Variants in ARHGEF9 observed in about 807,000 individuals in gnomAD.
The protein encoded by ARHGEF9 is rho guanine nucleotide exchange factor 9.
Under a neutral mutation model 41.3 loss-of-function variants are expected in ARHGEF9, and 2 were observed. That is an observed-to-expected ratio of 0.05 (90% CI 0.02 to 0.15). ARHGEF9 has a LOEUF of 0.15. Ranked by LOEUF, ARHGEF9 falls within the 10% of genes least tolerant of loss-of-function variation. ARHGEF9 has a pLI of 1.00. For synonymous variants in ARHGEF9, 160 were observed against 154.4 expected (o/e 1.04, Z -0.27); for missense variants, 225 against 424.7 (o/e 0.53, Z 4.13).
chrX:63,779,241 A>G (rs1206424403), intron 1 of ARHGEF9, among the ~76,000 whole-genome samples: 2 of 111,836 alleles, frequency 1.8e-5, no homozygotes, highest in Non-Finnish European at 3.8e-5. Flanking sequence ...ACTGGTACCA[A>G]TTTACTGTAT....
intron 1 of ARHGEF9, among the ~76,000 whole-genome samples, chrX:63,753,742 A>G (rs1602714023): frequency 9.0e-6 from 1 of 111,645 alleles, no homozygotes; most frequent in East Asian, 2.8e-4. Context: ...AGGTTCAAGA[A>G]GTGTTTTAAA....
intron 1 of ARHGEF9, among the ~76,000 whole-genome samples, chrX:63,759,472 TC>T (rs1179128276): frequency 9.0e-6 from 1 of 111,378 alleles, no homozygotes; most frequent in Non-Finnish European, 1.9e-5. Flanking sequence ...AGTTCCTCCC[TC>T]CCAAGACAGC....
At chrX:63,764,131 T>G (rs1240702732) in intron 1 of ARHGEF9, among the ~76,000 whole-genome samples, 1 of 111,886 alleles carries the variant, frequency 8.9e-6, no homozygotes, top group Non-Finnish European at 1.9e-5. Flanking sequence ...AGGAAAAAAC[T>G]AACAACCTCA....
intron 1 of ARHGEF9, among the ~76,000 whole-genome samples, chrX:63,748,887 T>C (rs1243812720): frequency 1.8e-5 from 2 of 111,817 alleles, no homozygotes; most frequent in African/African-American, 6.5e-5. Context: ...GCACCTAGAG[T>C]AGCATGAACA....
Position 63,636,171 on chromosome X carries a change from C to T in ARHGEF9, c.*1857G>A, listed in dbSNP as rs2047306233. ...AACATGCTAGCTATGCTGAAGCCTC[C>T]ACACAGCTATGGCTGCTGCTTGGTA... On this transcript the variant is annotated 3_prime_UTR_variant, in exon 10 of 10. Transcript: ENST00000671741. The T allele has an allele frequency of 1.8e-5, 2 of 112,075 alleles. No individual in the cohort carries two copies. The highest frequency in any genetic ancestry group is 6.5e-5 in the African/African-American group (2 of 30,781). The allele number at this position is 112,075 out of a possible 1,213,427, so 9.2% of individuals were successfully genotyped here. A position where few individuals can be genotyped will look rare whatever the true frequency, so the allele number is the denominator to read the frequency against.
rs1556334609 is a variant in ARHGEF9, at chrX:63,655,540, C to T, written c.1275G>A (p.Arg425=). The change falls in exon 8 of 10, where the codon AGG becomes AGA. Residue 425 remains arginine (R), a synonymous_variant. Transcript: ENST00000671741. ...KKLEEKIRWL[R]AFREERKMVQ... The stretch of plus-strand genomic sequence containing the variant: ...CCATTTTCCTCTCTTCTCTGAAAGC[C>T]CTGAGCCAGCGTATTTTTTCCTCCA... The T allele has an allele frequency of 2.5e-6, 3 of 1,211,102 alleles. No homozygotes were observed. The highest frequency in any genetic ancestry group is 2.2e-6 in the Non-Finnish European group (2 of 895,205).
chrX:63,649,055 T>A (rs2048343863), intron 8 of ARHGEF9, among the ~76,000 whole-genome samples: 1 of 110,848 alleles, frequency 9.0e-6, no homozygotes, highest in African/African-American at 3.3e-5. Context: ...GACAAAAAGT[T>A]AACAAGGATA....
intron 1 of ARHGEF9, among the ~76,000 whole-genome samples, chrX:63,728,177 T>A (rs1342339806): frequency 8.9e-6 from 1 of 112,416 alleles, no homozygotes; most frequent in African/African-American, 3.2e-5. Context: ...ATCTTCTGAG[T>A]TGTTTTGAAA....
chrX:63,754,745 G>C, intron 1 of ARHGEF9: 1 of 951,963 alleles, frequency 1.1e-6, no homozygotes, highest in Non-Finnish European at 1.3e-6. Flanking sequence ...TTAGTCGGGG[G>C]AGGGGAGGGG....
chrX:63,730,097 G>T (rs1195720627), intron 1 of ARHGEF9, among the ~76,000 whole-genome samples: 1 of 111,545 alleles, frequency 9.0e-6, no homozygotes, highest in Non-Finnish European at 1.9e-5. Flanking sequence ...AAAAAGGCAT[G>T]TGTGTTTGCA....
At position 63,648,283 on chromosome X, in the gene ARHGEF9, G is replaced by A. The variant is rs142624648; in HGVS notation, c.1322-4235C>T. On this transcript the variant is annotated intron_variant, in intron 8 of 9. Transcript: ENST00000671741. Reference sequence around the variant, plus strand: ...GAAACTCTACAAGCCAGAAGAGAGTGGGGGTCAATATTGAACATTCTTAAA... The same window carrying A: ...GAAACTCTACAAGCCAGAAGAGAGTAGGGGTCAATATTGAACATTCTTAAA... 3.2e-4 allele frequency among the ~76,000 whole-genome samples: 36 copies of A among 111,508 alleles called. No individual in the cohort carries two copies. In the East Asian group the frequency reaches 9.7e-3, roughly 30 times the overall value.
intron 8 of ARHGEF9, 132 bp from the exon 9 acceptor site, chrX:63,644,180 AATC>A (rs2147144647): frequency 2.1e-6 from 1 of 472,532 alleles, no homozygotes; most frequent in East Asian, 3.9e-5. Context: ...AAAAAAAAAA[AATC>A]ATTCCCTTTA....
chrX:63,739,092 T>C (rs2054789757), intron 1 of ARHGEF9, among the ~76,000 whole-genome samples: 1 of 111,604 alleles, frequency 9.0e-6, no homozygotes, highest in Non-Finnish European at 1.9e-5. Context: ...ATCCCTCAAC[T>C]ATTAGCACAA....
intron 3 of ARHGEF9, among the ~76,000 whole-genome samples, chrX:63,699,392 T>C (rs1556392730): frequency 8.9e-6 from 1 of 111,864 alleles, no homozygotes; most frequent in African/African-American, 3.3e-5. Flanking sequence ...TATTTAATAG[T>C]TGTGTCCACT....
In ARHGEF9 at chrX:63,725,930, A is replaced by C. The variant is rs145384542; in HGVS notation, c.31-1219T>G. On this transcript the variant is annotated intron_variant, in intron 1 of 9. Transcript: ENST00000671741. Reference sequence around the variant, plus strand: ...ACTAAAACAACTTTAAGACAATAGAAATAGTCTATAGAATATACATCCTGT... The same window carrying C: ...ACTAAAACAACTTTAAGACAATAGACATAGTCTATAGAATATACATCCTGT... Among the ~76,000 whole-genome samples the C allele has an allele frequency of 2.7e-5, 3 of 112,870 alleles. No individual in the cohort carries two copies. In the East Asian group the frequency reaches 8.4e-4, roughly 32 times the overall value.
chrX:63,686,263 G>T (rs1556375496), intron 4 of ARHGEF9, among the ~76,000 whole-genome samples: 1 of 111,587 alleles, frequency 9.0e-6, no homozygotes, highest in Non-Finnish European at 1.9e-5. Context: ...AATAAGCCAG[G>T]CACAAAAAGA....
At chrX:63,719,183 A>G (rs1273518546) in intron 2 of ARHGEF9, among the ~76,000 whole-genome samples, 1 of 111,949 alleles carries the variant, frequency 8.9e-6, no homozygotes, top group African/African-American at 3.2e-5. Flanking sequence ...GCCTAAACTC[A>G]CAACCTATAA....
intron 1 of ARHGEF9, among the ~76,000 whole-genome samples, chrX:63,746,935 C>T (rs1235445699): frequency 3.6e-5 from 4 of 111,657 alleles, no homozygotes; most frequent in Non-Finnish European, 5.6e-5. Context: ...TCCTGCTTGG[C>T]GGCCAGTGTG....
At chrX:63,727,461 G>T (rs372214862) in intron 1 of ARHGEF9, 1 of 111,644 alleles carries the variant, frequency 9.0e-6, no homozygotes, top group African/African-American at 3.3e-5. Flanking sequence ...CAAGCCTGTT[G>T]TCAGGGCCTA....
Sources: allele counts gnomAD v4.1 joint callset (sites outside exome capture counted in the v4.1 genomes callset), GRCh38; gene constraint gnomAD v4.1.1; transcripts MANE v1.5; gene names NCBI Gene and HGNC (gene_info 2026-07-23, HGNC 2026-07-21).